The following PNLIPRP3 variants were observed in gnomAD, a reference collection of about 807,000 sequenced individuals.
PNLIPRP3 encodes pancreatic lipase-related protein 3.
PNLIPRP3 carries 58 observed loss-of-function variants against 52.8 expected under a neutral mutation model. The ratio of observed to expected loss-of-function variants is 1.10; its 90% confidence interval spans 0.89 to 1.37. The LOEUF (loss-of-function observed/expected upper bound fraction) is 1.37, where lower values mean the gene tolerates loss of function less well. Among genes scored for constraint, PNLIPRP3 ranks in the 40% most tolerant of loss-of-function variants. The probability of loss-of-function intolerance (pLI) is 0.00; values close to 1 mark genes in which losing one functional copy is unlikely to be tolerated. For synonymous variants in PNLIPRP3, 192 were observed against 185.0 expected (o/e 1.04, Z -0.31); for missense variants, 593 against 561.6 (o/e 1.06, Z -0.57).
intron 1 of PNLIPRP3, among the ~76,000 whole-genome samples, chr10:116,436,271 T>C (rs1845771715): frequency 1.6e-5 from 1 of 63,678 alleles, no homozygotes. Flanking sequence ...GTTCAACAAA[T>C]GGTATTGGGA....
intron 2 of PNLIPRP3, among the ~76,000 whole-genome samples, chr10:116,438,356 G>A (rs372888209): frequency 2.1e-4 from 32 of 152,276 alleles, no homozygotes; most frequent in African/African-American, 6.3e-4. Flanking sequence ...GTCTTTACCT[G>A]AATCTGTAAC....
At chr10:116,456,092 A>G (rs1424259151) in intron 5 of PNLIPRP3, among the ~76,000 whole-genome samples, 1 of 152,246 alleles carries the variant, frequency 6.6e-6, no homozygotes, top group Non-Finnish European at 1.5e-5. Flanking sequence ...TGAAGCAATT[A>G]TAACACATTC....
At chr10:116,456,680 C>T (rs950381333) in intron 5 of PNLIPRP3, among the ~76,000 whole-genome samples, 9 of 152,126 alleles carry the variant, frequency 5.9e-5, no homozygotes, top group African/African-American at 2.2e-4. Context: ...ATGTCTCCTC[C>T]CCACATTCTG....
intron 1 of PNLIPRP3, among the ~76,000 whole-genome samples, chr10:116,429,212 A>G (rs1425229791): frequency 1.3e-5 from 2 of 152,196 alleles, no homozygotes; most frequent in African/African-American, 4.8e-5. Flanking sequence ...AAAATACTGT[A>G]TAAAATTACC....
chr10:116,461,422 G>T, intron 7 of PNLIPRP3, 132 bp downstream of exon 7: 7 of 1,123,520 alleles, frequency 6.2e-6, no homozygotes, highest in Non-Finnish European at 8.7e-6. Context: ...TTGCATATAA[G>T]AAGCTCTCCC....
Position 116,442,569 on chromosome 10 carries a change from C to T in PNLIPRP3, c.205-486C>T, listed in dbSNP as rs113325494. ...AATTCGTATACTGCATTTTATAATG[C>T]ATTAACTTTTTGAGCTAGATGTGGT... is the stretch of plus-strand genomic sequence containing the variant. On this transcript the variant is annotated intron_variant, in intron 2 of 11. Transcript: ENST00000369230. Among the ~76,000 whole-genome samples the T allele has an allele frequency of 1.2e-4, 18 of 152,248 alleles. 1 individual carries two copies. Among genetic ancestry groups the T allele is most frequent in the African/African-American group, 3.6e-4 (15 of 41,550 alleles).
At chr10:116,464,689 A>G (rs1846252226) in intron 7 of PNLIPRP3, among the ~76,000 whole-genome samples, 1 of 152,254 alleles carries the variant, frequency 6.6e-6, no homozygotes, top group African/African-American at 2.4e-5. Context: ...GGCAGGAACC[A>G]CGCAGCCCCA....
At chr10:116,475,939 G>A (rs920888517) in intron 10 of PNLIPRP3, among the ~76,000 whole-genome samples, 11 of 152,094 alleles carry the variant, frequency 7.2e-5, no homozygotes, top group Non-Finnish European at 1.6e-4. Flanking sequence ...GAGAATATTA[G>A]CAATAGCCAT....
chr10:116,428,872 C>T (rs927730361), intron 1 of PNLIPRP3, among the ~76,000 whole-genome samples: 2 of 152,142 alleles, frequency 1.3e-5, no homozygotes, highest in Non-Finnish European at 2.9e-5. Flanking sequence ...ACAGTCGTCA[C>T]ATCTAACATT....
In PNLIPRP3 at chr10:116,462,266, T is replaced by C. The variant is rs181146033; in HGVS notation, c.808+976T>C. 3.3e-3 allele frequency among the ~76,000 whole-genome samples: 492 copies of C among 151,142 alleles called. 2 individuals carry two copies. Among genetic ancestry groups the C allele is most frequent in the African/African-American group, 0.011 (440 of 41,296 alleles). On this transcript the variant is annotated intron_variant, in intron 7 of 11. Transcript: ENST00000369230. Reference sequence around the variant, plus strand: ...TTTGGGAAATTTGTTCTTCCCTATCTCTACATTTCATCATATAATTAATGA... The same window carrying C: ...TTTGGGAAATTTGTTCTTCCCTATCCCTACATTTCATCATATAATTAATGA...
chr10:116,433,053 G>T (rs1845728784), intron 1 of PNLIPRP3, among the ~76,000 whole-genome samples: 1 of 133,066 alleles, frequency 7.5e-6, no homozygotes, highest in African/African-American at 2.8e-5. Flanking sequence ...AGCGGAGGTT[G>T]CAGTGAGCTG....
At chr10:116,474,574 A>G (rs1846428478) in intron 10 of PNLIPRP3, among the ~76,000 whole-genome samples, 1 of 152,228 alleles carries the variant, frequency 6.6e-6, no homozygotes, top group South Asian at 2.1e-4. Flanking sequence ...AATATCCCAC[A>G]TCTGTAAGGA....
At chr10:116,428,991 T>A (rs1549827) in intron 1 of PNLIPRP3, among the ~76,000 whole-genome samples, 119,351 of 151,846 alleles carry the variant, frequency 0.79, 48,154 homozygotes, top group South Asian at 0.92. Context: ...TAAGCCCAGA[T>A]GATTGATCTG....
rs370357400 is a variant in PNLIPRP3, at chr10:116,457,399, T to C, written c.565+1569T>C. Among the ~76,000 whole-genome samples the C allele has an allele frequency of 1.7e-4, 26 of 152,296 alleles. No homozygotes were observed. The South Asian group carries it at 3.7e-3, about 22-fold the overall frequency. ...ACACACACACACATACATGCACACT[T>C]TAAATTCAAATCTCAATTTAGAACA... is the stretch of plus-strand genomic sequence containing the variant. On this transcript the variant is annotated intron_variant, in intron 5 of 11. Coordinates refer to ENST00000369230, the MANE Select transcript of PNLIPRP3 (RefSeq NM_001011709.3).
intron 2 of PNLIPRP3, among the ~76,000 whole-genome samples, chr10:116,437,503 TA>T (rs1845791707): frequency 6.6e-6 from 1 of 152,148 alleles, no homozygotes; most frequent in Non-Finnish European, 1.5e-5. Context: ...CGTGTTGGGT[TA>T]GTCTGTGGGC....
At chr10:116,460,018 G>A (rs374367692) in intron 5 of PNLIPRP3, among the ~76,000 whole-genome samples, 1 of 152,068 alleles carries the variant, frequency 6.6e-6, no homozygotes, top group Non-Finnish European at 1.5e-5. Context: ...CACCCGCCTC[G>A]GCCTCCGAGG....
In PNLIPRP3 at chr10:116,453,348, C is replaced by T. The variant is rs188588995; in HGVS notation, c.457-2374C>T. Among the ~76,000 whole-genome samples the T allele has an allele frequency of 2.2e-3, 328 of 152,164 alleles. 1 individual carries two copies. The highest frequency in any genetic ancestry group is 6.8e-3 in the Middle Eastern group (2 of 294). ...AGGTAAAAGGAACTTGGCCTTGAGT[C>T]TCAGATGAGAACTTTGACTTTGAGC... On this transcript the variant is annotated intron_variant, in intron 4 of 11. Transcript: ENST00000369230.
At chr10:116,448,615 C>T (rs565945262) in intron 4 of PNLIPRP3, among the ~76,000 whole-genome samples, 27 of 152,144 alleles carry the variant, frequency 1.8e-4, no homozygotes, top group South Asian at 1.5e-3. Context: ...GGGAAGCTGA[C>T]GTGGGAGGAT....
chr10:116,474,138 G>A (rs573664171), intron 10 of PNLIPRP3, among the ~76,000 whole-genome samples: 1 of 151,936 alleles, frequency 6.6e-6, no homozygotes, highest in Non-Finnish European at 1.5e-5. Context: ...CAGAAATAAG[G>A]CCGCATACCT....
Sources: allele counts gnomAD v4.1 joint callset (sites outside exome capture counted in the v4.1 genomes callset), GRCh38; gene constraint gnomAD v4.1.1; transcripts MANE v1.5; gene names NCBI Gene and HGNC (gene_info 2026-07-23, HGNC 2026-07-21).